The following PJA2 variants were observed in gnomAD, a reference collection of about 807,000 sequenced individuals.
PJA2 encodes the protein praja ring finger ubiquitin ligase 2, also known as E3 ubiquitin-protein ligase Praja-2.
Under a neutral mutation model 69.3 loss-of-function variants are expected in PJA2, and 25 were observed. The ratio of observed to expected loss-of-function variants is 0.36; its 90% confidence interval spans 0.26 to 0.50. PJA2 has a LOEUF of 0.50. Ranked by LOEUF, PJA2 falls within the 20% of genes least tolerant of loss-of-function variation. PJA2 has a pLI of 0.96. For synonymous variants in PJA2, 308 were observed against 277.8 expected, an observed-to-expected ratio of 1.11 and a Z score of -1.08; for missense variants, 809 against 830.2, an observed-to-expected ratio of 0.97 and a Z score of 0.31.
chr5:109,389,672 C>G (rs373290341), intron 1 of PJA2, among the ~76,000 whole-genome samples: 13 of 151,944 alleles, frequency 8.6e-5, no homozygotes, highest in Admixed American at 3.9e-4. Flanking sequence ...TCATTGCTCC[C>G]TTGAGATAGG....
rs565926874 is a variant in PJA2 at position 109,344,045 on chromosome 5, C to T, written c.2001+145G>A. On this transcript the variant is annotated intron_variant, in intron 9 of 9. Transcript: ENST00000361189. ...CCTGGAGGCAGAGGTTGCAGTGAGC[C>T]GAGATCGAACCACTGCACTCCAGCC... 41 of 504,362 alleles carry T rather than the reference C, an allele frequency of 8.1e-5. No individual in the cohort carries two copies. In the East Asian group the frequency reaches 9.7e-4, roughly 12 times the overall value. 31.2% of individuals were successfully genotyped at this position (504,362 alleles called of 1,614,324 possible).
chr5:109,349,017 G>A (rs1041014606), intron 7 of PJA2, among the ~76,000 whole-genome samples: 2 of 152,168 alleles, frequency 1.3e-5, no homozygotes, highest in African/African-American at 4.8e-5. Flanking sequence ...TGAATGTGTG[G>A]AGTAATGCAT....
At chr5:109,387,502 A>G (rs1001463500) in intron 1 of PJA2, among the ~76,000 whole-genome samples, 5 of 152,222 alleles carry the variant, frequency 3.3e-5, no homozygotes, top group Non-Finnish European at 5.9e-5. Context: ...TCCTCCAGGT[A>G]CTATTCACCT....
At chr5:109,399,065 G>A (rs891039413) in intron 1 of PJA2, among the ~76,000 whole-genome samples, 3 of 152,026 alleles carry the variant, frequency 2.0e-5, no homozygotes, top group Non-Finnish European at 2.9e-5. Context: ...CACAAAATTA[G>A]CCGGGTTTGG....
chr5:109,353,838 A>G (rs1295626901), intron 7 of PJA2, among the ~76,000 whole-genome samples: 16 of 95,538 alleles, frequency 1.7e-4, no homozygotes, highest in Non-Finnish European at 3.0e-4. Flanking sequence ...ATCTAGAGAT[A>G]TCTATAGATT....
chr5:109,393,178 A>G (rs565570549), intron 1 of PJA2, among the ~76,000 whole-genome samples: 1 of 152,346 alleles, frequency 6.6e-6, no homozygotes, highest in East Asian at 1.9e-4. Flanking sequence ...GAAATGTGAT[A>G]ACCTGCTGAG....
At chr5:109,375,894 T>G (rs1374090244) in intron 4 of PJA2, among the ~76,000 whole-genome samples, 1 of 152,122 alleles carries the variant, frequency 6.6e-6, no homozygotes, top group African/African-American at 2.4e-5. Context: ...TGCAGGGAAT[T>G]AGGGTAGAGG....
intron 7 of PJA2, among the ~76,000 whole-genome samples, chr5:109,353,629 T>TATA (rs1485619203): frequency 2.1e-4 from 20 of 94,340 alleles, no homozygotes; most frequent in South Asian, 1.3e-3. Flanking sequence ...ATTAGATACC[T>TATA]ATATCATAGA....
At position 109,337,169 on chromosome 5, in the gene PJA2, G is replaced by A. The variant is rs1478150193; in HGVS notation, c.*62C>T. On this transcript the variant is annotated 3_prime_UTR_variant, in exon 10 of 10. Transcript: ENST00000361189. ...TATTTATATATAATTATTTGCACAT[G>A]AAATTTAGAAGGAATTTGCAGATTT... 2 of 1,501,252 alleles carry A rather than the reference G, an allele frequency of 1.3e-6. No individual in the cohort carries two copies. Among genetic ancestry groups the A allele is most frequent in the Non-Finnish European group, 9.0e-7 (1 of 1,111,744 alleles). 93.0% of individuals were successfully genotyped at this position (1,501,252 alleles called of 1,614,324 possible).
intron 1 of PJA2, among the ~76,000 whole-genome samples, chr5:109,405,923 T>TA (rs60748513): frequency 0.039 from 5,631 of 146,186 alleles, 103 homozygotes; most frequent in Middle Eastern, 0.053. Flanking sequence ...GTTAGGAAAA[T>TA]AAAAAAAAAA....
chr5:109,345,534 A>AAC (rs34300148), intron 7 of PJA2, among the ~76,000 whole-genome samples: 1 of 149,460 alleles, frequency 6.7e-6, no homozygotes, highest in African/African-American at 2.5e-5. Flanking sequence ...AAAAAAAAAA[A>AAC]CTACCTTGTC....
In PJA2 at chr5:109,352,929, C is replaced by A. The variant is rs1428174300; in HGVS notation, c.1764+2986G>T. 5.0e-5 allele frequency among the ~76,000 whole-genome samples: 7 copies of A among 140,934 alleles called. 1 individual carries two copies. The highest frequency in any genetic ancestry group is 1.9e-4 in the African/African-American group (7 of 37,756). 92.5% of individuals were successfully genotyped at this position (140,934 alleles called of 152,430 possible). The stretch of plus-strand genomic sequence containing the variant: ...TATTAGATACCTATAATATCATAGA[C>A]ATCTATGTATTAGATACCTATTATA... On this transcript the variant is annotated intron_variant, in intron 7 of 9. Coordinates refer to ENST00000361189, the MANE Select transcript of PJA2 (RefSeq NM_014819.5).
At chr5:109,344,457 T>A in intron 8 of PJA2, 146 bp from the exon 9 acceptor site, 1 of 887,252 alleles carries the variant, frequency 1.1e-6, no homozygotes. Context: ...TTCTGTCTAA[T>A]ACTTGGCAAT....
intron 1 of PJA2, among the ~76,000 whole-genome samples, chr5:109,403,142 C>G (rs1275146304): frequency 6.6e-6 from 1 of 151,968 alleles, no homozygotes; most frequent in African/African-American, 2.4e-5. Context: ...AGAGGTCACA[C>G]TGCTAATAAC....
chr5:109,379,069 T>G lies in PJA2; in HGVS notation c.418A>C (p.Asn140His). Residue 140 changes from asparagine to histidine, a missense_variant, in exon 4 of 10, where the codon AAT (asparagine) becomes CAT (histidine). Physicochemically the swap from Asn to His is moderately conservative, Grantham distance 68. This residue lies in a region of PJA2 where 700 missense variants were observed against 639.5 expected (regional missense o/e 1.09). Transcript: ENST00000361189. ...DTLGSSTNLH[N>H]HSEGEYIPGA... ...GGAATATACTCTCCCTCAGAGTGATTATGAAGATTTGTACTGCTTCCTAAG... is the reference window on the plus strand; with the variant it reads ...GGAATATACTCTCCCTCAGAGTGATGATGAAGATTTGTACTGCTTCCTAAG... 6.2e-7 allele frequency: 1 copy of G among 1,614,146 alleles called. No individual in the cohort carries two copies. The highest frequency in any genetic ancestry group is 8.5e-7 in the Non-Finnish European group (1 of 1,180,020).
intron 6 of PJA2, among the ~76,000 whole-genome samples, chr5:109,362,362 T>A (rs1220264638): frequency 1.3e-5 from 2 of 152,124 alleles, no homozygotes. Context: ...TAAAGTAAAT[T>A]AAATGCTTTC....
chr5:109,350,337 ATAGT>A (rs1389284629), intron 7 of PJA2, among the ~76,000 whole-genome samples: 16 of 152,190 alleles, frequency 1.1e-4, no homozygotes, highest in Non-Finnish European at 1.8e-4. Context: ...TGTATTTACA[ATAGT>A]TAGTCGAAGA....
In PJA2 at chr5:109,362,887, G is replaced by A. The variant is rs1762524291; in HGVS notation, c.1605C>T (p.Asn535=). 6.2e-7 allele frequency: 1 copy of A among 1,613,434 alleles called. No homozygotes were observed. Among genetic ancestry groups the A allele is most frequent in the African/African-American group, 1.3e-5 (1 of 74,896 alleles). The part of the protein sequence containing the change: ...QPAFMLDGNN[N]LEDDSSVSED... ...CACTCACACTGGAGTCATCCTCCAG[G>A]TTATTGTTACCATCCAACATGAAAG... Residue 535 remains asparagine (N), a synonymous_variant, in exon 6 of 10, where the codon AAC becomes AAT. Coordinates refer to ENST00000361189, the MANE Select transcript of PJA2 (RefSeq NM_014819.5).
chr5:109,406,153 C>A (rs752782965), intron 1 of PJA2, among the ~76,000 whole-genome samples: 6 of 151,296 alleles, frequency 4.0e-5, no homozygotes, highest in Admixed American at 1.3e-4. Context: ...ACGCCATTAT[C>A]CTAACTCAGC....
Sources: gnomAD v4.1 joint callset for allele counts (sites outside exome capture counted in the v4.1 genomes callset) on GRCh38, gnomAD v4.1.1 for gene constraint, gnomAD v4.1.1 regional missense constraint, MANE v1.5 for transcripts, NCBI Gene and HGNC (gene_info 2026-07-23, HGNC 2026-07-21) for gene names.